POLN: variants seen among roughly 807,000 people sequenced by gnomAD.
The protein encoded by POLN is DNA polymerase nu.
In POLN, 108 loss-of-function variants were observed where a neutral mutation model predicts 113.5. That is an observed-to-expected ratio of 0.95 (90% confidence interval 0.81 to 1.12). The LOEUF (loss-of-function observed/expected upper bound fraction) is 1.12. POLN is among the 50% of genes most tolerant of loss of function. The pLI is 0.00. For missense variants in POLN, 1,097 were observed against 1,077.1 expected (o/e 1.02, Z -0.26); for synonymous variants, 386 against 391.5 (o/e 0.99, Z 0.17).
chr4:2,078,712 C>CCCAATAT (rs1274065998), intron 23 of POLN: 5 of 985,476 alleles, frequency 5.1e-6, no homozygotes, highest in Non-Finnish European at 6.0e-6. Context: ...AGACCATGTG[C>CCCAATAT]CCAATATTCC....
At chr4:2,088,579 C>G (rs1730600047) in intron 20 of POLN, 2 of 583,798 alleles carry the variant, frequency 3.4e-6, no homozygotes, top group African/African-American at 3.9e-5. Flanking sequence ...CAAAAATACG[C>G]ATTAGCTAAT....
In POLN at chr4:2,089,940, T is replaced by C. The variant is rs1730628330; in HGVS notation, c.2066-4196A>G. ...TTGACATATCAGGAATTAAGTTAGC[T>C]AGTGAAAGTTCTTTTGTTAACCTAC... On this transcript the variant is annotated intron_variant, in intron 20 of 25. Coordinates refer to ENST00000511885, the MANE Select transcript of POLN (RefSeq NM_181808.4). 8.2e-6 allele frequency: 8 copies of C among 981,342 alleles called. No individual in the cohort carries two copies. The South Asian group carries it at 8.6e-5, about 11-fold the overall frequency. 60.8% of individuals were successfully genotyped at this position (981,342 alleles called of 1,614,324 possible). A position where few individuals can be genotyped will look rare whatever the true frequency, so the allele number is the denominator to read the frequency against.
At chr4:2,073,082 G>A in intron 24 of POLN, 53 bp from the exon 25 acceptor site, 1 of 1,571,996 alleles carries the variant, frequency 6.4e-7, no homozygotes, top group South Asian at 1.1e-5. Flanking sequence ...CTTGGGGCCT[G>A]GGAGCCGAAG....
At chr4:2,172,502 T>G (rs933711964) in intron 11 of POLN, among the ~76,000 whole-genome samples, 8 of 152,230 alleles carry the variant, frequency 5.3e-5, no homozygotes, top group Non-Finnish European at 1.0e-4. Flanking sequence ...TAGCTGAACC[T>G]GTGTCTCCTG....
intron 16 of POLN, among the ~76,000 whole-genome samples, chr4:2,147,982 C>G (rs978565125): frequency 6.6e-6 from 1 of 152,046 alleles, no homozygotes; most frequent in African/African-American, 2.4e-5. Flanking sequence ...CTACTGCATT[C>G]CAGGTACAGA....
chr4:2,072,975 TG>T lies in POLN; in HGVS notation c.2509del (p.Gln837SerfsTer8), dbSNP rs3833632. The T allele has an allele frequency of 5.8e-3, 9,381 of 1,613,342 alleles. 217 individuals carry two copies. In the East Asian group the frequency reaches 0.091, roughly 16 times the overall value. On this transcript the variant is annotated frameshift_variant, in exon 25 of 26. Transcript: ENST00000511885. LOFTEE classifies it low-confidence loss of function (END_TRUNC). ...SLEQVQALELQLQVPLKVSLS... is the reference protein window; with the variant it reads ...SLEQVQALELXLQVPLKVSLS... Reference sequence around the variant, plus strand: ...GCTTAAGTGTCCCCTCACCTGAAGCTGCAGCTCCAATGCCTGCACCTGTTCC... The same window carrying T: ...GCTTAAGTGTCCCCTCACCTGAAGCTCAGCTCCAATGCCTGCACCTGTTCC...
intron 3 of POLN, among the ~76,000 whole-genome samples, chr4:2,215,512 A>G (rs994136810): frequency 1.3e-5 from 2 of 152,186 alleles, no homozygotes; most frequent in South Asian, 4.1e-4. Context: ...GTGTCTCCCA[A>G]TGGGTCAAGA....
At chr4:2,087,481 C>T (rs540030870) in intron 20 of POLN, among the ~76,000 whole-genome samples, 1 of 152,300 alleles carries the variant, frequency 6.6e-6, no homozygotes, top group South Asian at 2.1e-4. Flanking sequence ...TCTTTTCTCA[C>T]CTCCAATCTG....
intron 4 of POLN, among the ~76,000 whole-genome samples, chr4:2,209,874 C>T (rs564147378): frequency 8.7e-4 from 131 of 150,912 alleles, no homozygotes; most frequent in Non-Finnish European, 1.6e-3. Flanking sequence ...GTTCCCCAGG[C>T]AGGTCTCAAA....
chr4:2,104,584 C>T (rs1365238368), intron 19 of POLN, among the ~76,000 whole-genome samples: 1 of 152,156 alleles, frequency 6.6e-6, no homozygotes, highest in African/African-American at 2.4e-5. Flanking sequence ...CAAACCTCCC[C>T]CAGTAAACAC....
intron 23 of POLN, chr4:2,080,056 G>A: frequency 1.0e-6 from 1 of 984,772 alleles, no homozygotes; most frequent in Non-Finnish European, 1.2e-6. Flanking sequence ...GTGGGGGTGG[G>A]AAAACGTCCA....
chr4:2,100,512 G>A (rs1730897770), intron 19 of POLN, among the ~76,000 whole-genome samples: 1 of 152,204 alleles, frequency 6.6e-6, no homozygotes, highest in African/African-American at 2.4e-5. Flanking sequence ...TCCTGGACAG[G>A]AGAATACAAC....
At chr4:2,215,187 T>G (rs1356530315) in intron 3 of POLN, among the ~76,000 whole-genome samples, 2 of 152,088 alleles carry the variant, frequency 1.3e-5, no homozygotes, top group Non-Finnish European at 2.9e-5. Context: ...AATATCCACA[T>G]CATGAAATAC....
At chr4:2,197,783 T>C (rs1226522160) in intron 6 of POLN, among the ~76,000 whole-genome samples, 1 of 152,194 alleles carries the variant, frequency 6.6e-6, no homozygotes, top group African/African-American at 2.4e-5. Flanking sequence ...GTATGAAGCA[T>C]GGACAGGCTA....
At chr4:2,080,883 C>G (rs1730395688) in intron 23 of POLN, 75 bp downstream of exon 23, 1 of 1,608,382 alleles carries the variant, frequency 6.2e-7, no homozygotes, top group African/African-American at 1.3e-5. Flanking sequence ...TCATCAGAAT[C>G]ACGAGCCCCG....
At chr4:2,157,799 T>A (rs1160704724) in intron 15 of POLN, 59 bp downstream of exon 15, 3 of 1,091,544 alleles carry the variant, frequency 2.7e-6, no homozygotes, top group Non-Finnish European at 4.1e-6. Flanking sequence ...TCTATATGTA[T>A]CTGAACTCAT....
At chr4:2,131,393 TAA>T in intron 16 of POLN, 103 bp from the exon 17 acceptor site, 1 of 751,114 alleles carries the variant, frequency 1.3e-6, no homozygotes, top group Non-Finnish European at 2.2e-6. Flanking sequence ...TTAAAACAAG[TAA>T]GCCAATGTAA....
chr4:2,152,515 G>C (rs752541674), intron 16 of POLN, among the ~76,000 whole-genome samples: 1 of 151,118 alleles, frequency 6.6e-6, no homozygotes, highest in Non-Finnish European at 1.5e-5. Context: ...AATTTATGTA[G>C]AGATGGGGTC....
At chr4:2,173,908 T>C (rs769354780) in intron 11 of POLN, 47 bp downstream of exon 11, 1 of 1,549,510 alleles carries the variant, frequency 6.5e-7, no homozygotes, top group Non-Finnish European at 8.9e-7. Flanking sequence ...AACTATCTCA[T>C]GCAGGAAAGA....
Sources: allele counts gnomAD v4.1 joint callset (sites outside exome capture counted in the v4.1 genomes callset), GRCh38; gene constraint gnomAD v4.1.1; transcripts MANE v1.5; gene names NCBI Gene and HGNC (gene_info 2026-07-23, HGNC 2026-07-21).